Variants in AP1M2 observed in about 807,000 individuals in gnomAD.
The protein encoded by AP1M2 is adaptor related protein complex 1 subunit mu 2, also known as AP-1 complex subunit mu-2.
AP1M2 carries 41 observed loss-of-function variants against 54.6 expected under a neutral mutation model. That is an observed-to-expected ratio of 0.75 (90% CI 0.59 to 0.97). The LOEUF is 0.97. Among genes scored for constraint, AP1M2 ranks in the 50% least tolerant of loss-of-function variants. AP1M2 has a pLI of 0.00. For missense variants in AP1M2, 507 were observed against 561.2 expected, an observed-to-expected ratio of 0.90 and a Z score of 0.98; for synonymous variants, 219 against 215.9, an observed-to-expected ratio of 1.01 and a Z score of -0.13.
intron 1 of AP1M2, among the ~76,000 whole-genome samples, chr19:10,585,309 A>AGG (rs1917612831): frequency 7.0e-6 from 1 of 143,304 alleles, no homozygotes. Flanking sequence ...GAAAGAAAGA[A>AGG]AGAAAGAAAG....
intron 9 of AP1M2, among the ~76,000 whole-genome samples, chr19:10,576,939 G>C (rs1393552025): frequency 6.6e-6 from 1 of 152,096 alleles, no homozygotes; most frequent in Admixed American, 6.6e-5. Flanking sequence ...GATTTCAGGC[G>C]TGAGCCACTG....
At chr19:10,574,527 C>A in intron 10 of AP1M2, 35 bp from the exon 11 acceptor site, 1 of 1,529,670 alleles carries the variant, frequency 6.5e-7, no homozygotes, top group Non-Finnish European at 8.9e-7. Flanking sequence ...TCCAGGATTG[C>A]AGGAGGGAGG....
At chr19:10,576,816 C>T (rs12150913) in intron 9 of AP1M2, among the ~76,000 whole-genome samples, 26,512 of 151,794 alleles carry the variant, frequency 0.17, 2,549 homozygotes, top group Admixed American at 0.27. Flanking sequence ...AAGCAATTCT[C>T]CTGCCTCAGT....
chr19:10,585,344 AAAGAAAGAAAG>A (rs1203162124), intron 1 of AP1M2, among the ~76,000 whole-genome samples: 10 of 150,520 alleles, frequency 6.6e-5, no homozygotes, highest in African/African-American at 2.5e-4. Flanking sequence ...AGAAAGAAAG[AAAGAAAGAAAG>A]ATGACAGTTC....
chr19:10,577,625 C>T (rs1350582624), intron 8 of AP1M2, among the ~76,000 whole-genome samples: 4 of 150,558 alleles, frequency 2.7e-5, no homozygotes, highest in African/African-American at 7.3e-5. Flanking sequence ...TTAGTAGAGA[C>T]GGGGTTTCAG....
chr19:10,585,283 AAAAG>A (rs71297575), intron 1 of AP1M2, among the ~76,000 whole-genome samples: 1,141 of 104,544 alleles, frequency 0.011, 39 homozygotes, highest in Middle Eastern at 0.058. Context: ...AAAGAAGAAA[AAAAG>A]AAAGAAAGAA....
chr19:10,580,524 G>A (rs547420852), intron 6 of AP1M2, among the ~76,000 whole-genome samples: 9 of 152,282 alleles, frequency 5.9e-5, no homozygotes, highest in East Asian at 1.9e-4. Context: ...TTAGCTGGGC[G>A]TGGTGGCTGG....
At chr19:10,587,156 T>C (rs1917675088) in intron 1 of AP1M2, 34 bp downstream of exon 1, 2 of 1,549,922 alleles carry the variant, frequency 1.3e-6, no homozygotes, top group African/African-American at 1.4e-5. Context: ...AGACCTCACC[T>C]GTCCGTCTCC....
chr19:10,587,264 G>A lies in AP1M2; in HGVS notation c.-33C>T. ...GCCGAAGGACTTAGGAGTCGGGGAGGGAGCGCCGGGAGGCGATGGCGGCGC... is the reference window on the plus strand; with the variant it reads ...GCCGAAGGACTTAGGAGTCGGGGAGAGAGCGCCGGGAGGCGATGGCGGCGC... On this transcript the variant is annotated 5_prime_UTR_variant, in exon 1 of 12. Transcript: ENST00000250244. 1 of 1,557,248 alleles carries A rather than the reference G, an allele frequency of 6.4e-7. No individual in the cohort carries two copies.
intron 11 of AP1M2, among the ~76,000 whole-genome samples, chr19:10,573,660 CTTTTTTTTTT>C (rs35697396): frequency 2.7e-5 from 3 of 109,470 alleles, no homozygotes; most frequent in African/African-American, 1.1e-4. Context: ...CTTTTTTTTC[CTTTTTTTTTT>C]TTTTTTTTTT....
In AP1M2 at chr19:10,574,977, T is replaced by C; in HGVS notation, c.1100A>G (p.Lys367Arg). Reference sequence around the variant, plus strand: ...GGGGGGCCGGCCCTCCACCTCTTCCTTTTCCACACTGGGGAGGCCAAAGTG... The same window carrying C: ...GGGGGGCCGGCCCTCCACCTCTTCCCTTTCCACACTGGGGAGGCCAAAGTG... ...RAHFGLPSVE[K>R]EEVEGRPPIG... The change falls in exon 10 of 12, where the codon AAG becomes AGG. Residue 367 changes from lysine (K) to arginine (R), a missense_variant. Transcript: ENST00000250244. 1 of 1,573,968 alleles carries C rather than the reference T, an allele frequency of 6.4e-7. No individual in the cohort carries two copies. Among genetic ancestry groups the C allele is most frequent in the East Asian group, 2.3e-5 (1 of 43,416 alleles).
In AP1M2 at chr19:10,583,924, G is replaced by A. The variant is rs1370468886; in HGVS notation, c.189C>T (p.Ser63=). Reference sequence around the variant, plus strand: ...ACGTGGGGTGGATACAGTAGAGGTTGCTGTGTTTGATCCATAGGAAGTGGA... The same window carrying A: ...ACGTGGGGTGGATACAGTAGAGGTTACTGTGTTTGATCCATAGGAAGTGGA... The part of the protein sequence containing the change: ...GQVHFLWIKH[S]NLYLVATTSK... The change falls in exon 2 of 12, where the codon AGC becomes AGT. Residue 63 remains serine (S), a synonymous_variant. Transcript: ENST00000250244. 6.3e-7 allele frequency: 1 copy of A among 1,599,280 alleles called. No individual in the cohort carries two copies. The highest frequency in any genetic ancestry group is 2.3e-5 in the East Asian group (1 of 44,240).
In AP1M2 at chr19:10,577,338, T is replaced by C. The variant is rs550903760; in HGVS notation, c.907A>G (p.Lys303Glu). Residue 303 changes from lysine to glutamate, a missense_variant, in exon 9 of 12, where the codon AAA (lysine) becomes GAA (glutamate). By Grantham distance (56) the Lys-to-Glu change is moderately conservative. Coordinates refer to ENST00000250244, the MANE Select transcript of AP1M2 (RefSeq NM_005498.5). ...TCCACACCGTTGGCCACTGACTGTTTCTTAAACTGCCCCTTGGCCTGTCAG... is the reference window on the plus strand; with the variant it reads ...TCCACACCGTTGGCCACTGACTGTTCCTTAAACTGCCCCTTGGCCTGTCAG... ...IMVKAKGQFK[K>E]QSVANGVEIS... The C allele has an allele frequency of 1.8e-5, 29 of 1,609,590 alleles. No individual in the cohort carries two copies. The South Asian group carries it at 3.2e-4, about 18-fold the overall frequency.
At chr19:10,585,290 A>AGAAG (rs1304086751) in intron 1 of AP1M2, among the ~76,000 whole-genome samples, 2 of 82,802 alleles carry the variant, frequency 2.4e-5, no homozygotes, top group African/African-American at 9.4e-5. Flanking sequence ...AAAAAAAGAA[A>AGAAG]GAAAGAAAGA....
Position 10,585,421 on chromosome 19 carries a change from G to A in AP1M2, c.43-1351C>T, listed in dbSNP as rs139903467. Among the ~76,000 whole-genome samples the A allele has an allele frequency of 1.3e-3, 191 of 152,226 alleles. 4 individuals are homozygous for A. The East Asian group carries it at 0.033, about 27-fold the overall frequency. Reference sequence around the variant, plus strand: ...CCCATAATAGTAAACACTTCTGTCTGGACACGGTGGCTCACGCCTTTAATC... The same window carrying A: ...CCCATAATAGTAAACACTTCTGTCTAGACACGGTGGCTCACGCCTTTAATC... On this transcript the variant is annotated intron_variant, in intron 1 of 11. Coordinates refer to ENST00000250244, the MANE Select transcript of AP1M2 (RefSeq NM_005498.5).
chr19:10,575,182 T>C (rs1479025940), intron 9 of AP1M2, among the ~76,000 whole-genome samples, 153 bp from the exon 10 acceptor site: 2 of 151,820 alleles, frequency 1.3e-5, no homozygotes, highest in Admixed American at 1.3e-4. Context: ...TGAGATACCA[T>C]GTCTACAAAA....
intron 8 of AP1M2, among the ~76,000 whole-genome samples, chr19:10,578,457 G>A (rs955097181): frequency 2.0e-5 from 3 of 151,310 alleles, no homozygotes; most frequent in African/African-American, 4.9e-5. Context: ...ACTCCAGCCC[G>A]AGTGACAGAG....
intron 9 of AP1M2, among the ~76,000 whole-genome samples, chr19:10,576,258 A>AG (rs1555752109): frequency 1.2e-5 from 1 of 82,544 alleles, no homozygotes; most frequent in Non-Finnish European, 2.2e-5. Context: ...TGCCCGGCTA[A>AG]TTTTTTTTTT....
Position 10,574,948 on chromosome 19 carries a change from C to T in AP1M2, c.1129G>A (p.Gly377Arg), listed in dbSNP as rs1202522150. Reference sequence around the variant, plus strand: ...AAGTAGGGGATCTCAAACTTGACCCCGATGGGGGGCCGGCCCTCCACCTCT... The same window carrying T: ...AAGTAGGGGATCTCAAACTTGACCCTGATGGGGGGCCGGCCCTCCACCTCT... ...KEEVEGRPPIGVKFEIPYFTV... is the reference protein window; with the variant it reads ...KEEVEGRPPIRVKFEIPYFTV... The change falls in exon 10 of 12, where the codon GGG (glycine) becomes AGG (arginine). Residue 377 changes from glycine (G) to arginine (R), a missense_variant. Physicochemically the swap from Gly to Arg is moderately radical, Grantham distance 125. Transcript: ENST00000250244. 1.1e-5 allele frequency: 17 copies of T among 1,597,196 alleles called. No individual in the cohort carries two copies. The African/African-American group carries it at 1.2e-4, about 11-fold the overall frequency.
Sources: gnomAD v4.1 joint callset for allele counts (sites outside exome capture counted in the v4.1 genomes callset) on GRCh38, gnomAD v4.1.1 for gene constraint, MANE v1.5 for transcripts, NCBI Gene and HGNC (gene_info 2026-07-23, HGNC 2026-07-21) for gene names.